The following CIAO2B variants were observed in gnomAD, a reference collection of about 807,000 sequenced individuals.
CIAO2B encodes cytosolic iron-sulfur assembly component 2B, also known as MSS19-interacting protein of 18 kDa.
CIAO2B carries 20 observed loss-of-function variants against 16.4 expected under a neutral mutation model. That is an observed-to-expected ratio of 1.22 (90% confidence interval 0.86 to 1.77). The LOEUF (loss-of-function observed/expected upper bound fraction) is 1.77, where lower values mean the gene tolerates loss of function less well. CIAO2B is among the 40% of genes most tolerant of loss of function. The pLI, the probability that CIAO2B is intolerant of heterozygous loss-of-function variation, is 0.00. For missense variants in CIAO2B, 215 were observed against 222.4 expected (o/e 0.97, Z 0.21); for synonymous variants, 106 against 90.4 (o/e 1.17, Z -0.98).
In CIAO2B at chr16:66,934,096, C is replaced by T; in HGVS notation, c.143-30G>A. The T allele has an allele frequency of 6.2e-7, 1 of 1,612,832 alleles. No individual in the cohort carries two copies. Among genetic ancestry groups the T allele is most frequent in the South Asian group, 1.1e-5 (1 of 90,874 alleles). On this transcript the variant is annotated intron_variant, in intron 1 of 4. Coordinates refer to ENST00000422424, the MANE Select transcript of CIAO2B (RefSeq NM_016062.4). The surrounding 1 kb of genome is among the most constrained non-coding windows in gnomAD (Gnocchi z 4.1). Reference sequence around the variant, plus strand: ...GAAGTGAAGGAAAAGGGACTCTGCGCCCTTGCCCACTTAGAACCCTCTGCC... The same window carrying T: ...GAAGTGAAGGAAAAGGGACTCTGCGTCCTTGCCCACTTAGAACCCTCTGCC...
rs1184894949 is a variant in CIAO2B at position 66,934,336 on chromosome 16, C to T, written c.29G>A (p.Gly10Asp). Reference protein sequence around the residue: MVGGGGVGGGLLENANPLIY... With the variant: MVGGGGVGGDLLENANPLIY... Reference sequence around the variant, plus strand: ...GAGGGGGTTGGCATTCTCCAGGAGGCCGCCGCCGACCCCGCCGCCGCCTAC... The same window carrying T: ...GAGGGGGTTGGCATTCTCCAGGAGGTCGCCGCCGACCCCGCCGCCGCCTAC... The change falls in exon 1 of 5, where the codon GGC becomes GAC. Residue 10 changes from glycine (G) to aspartate (D), a missense_variant. Transcript: ENST00000422424. The surrounding 1 kb of genome is among the most constrained non-coding windows in gnomAD (Gnocchi z 4.1). 2 of 1,581,806 alleles carry T rather than the reference C, an allele frequency of 1.3e-6. No individual in the cohort carries two copies. The highest frequency in any genetic ancestry group is 2.3e-5 in the South Asian group (2 of 88,190).
intron 2 of CIAO2B, 33 bp downstream of exon 2, chr16:66,933,954 T>G (rs1963124707): frequency 6.2e-7 from 1 of 1,611,852 alleles, no homozygotes; most frequent in East Asian, 2.2e-5. Flanking sequence ...TCTGACTCTC[T>G]GGAACAACTC....
At position 66,932,078 on chromosome 16, in the gene CIAO2B, A is replaced by G. The variant is rs768972350; in HGVS notation, c.*125T>C. 1.5e-6 allele frequency: 1 copy of G among 652,402 alleles called. No individual in the cohort carries two copies. The highest frequency in any genetic ancestry group is 2.6e-6 in the Non-Finnish European group (1 of 388,694). The allele number at this position is 652,402 out of a possible 1,614,324, so 40.4% of individuals were successfully genotyped here. On this transcript the variant is annotated 3_prime_UTR_variant, in exon 5 of 5. Transcript: ENST00000422424. Reference sequence around the variant, plus strand: ...CATGCTGGGAACTGAATATAAATTAACTTTATTACAAAAAGCAAAATGTTA... The same window carrying G: ...CATGCTGGGAACTGAATATAAATTAGCTTTATTACAAAAAGCAAAATGTTA...
At position 66,934,063 on chromosome 16, in the gene CIAO2B, A is replaced by G. The variant is rs766951433; in HGVS notation, c.146T>C (p.Leu49Pro). The change falls in exon 2 of 5, where the codon CTG becomes CCG. Residue 49 changes from leucine (L) to proline (P), a missense_variant. By Grantham distance (98) the Leu-to-Pro change is moderately conservative (BLOSUM62 -3). Transcript: ENST00000422424. This position sits in a 1 kb window ranked among gnomAD's most constrained non-coding sequence, Gnocchi z 4.1. ...DSIDAREIFDLIRSINDPEHP... is the reference protein window; with the variant it reads ...DSIDAREIFDPIRSINDPEHP... ...CTCCGGGTCATTGATGGAGCGAATCAGATGTGGGAAGTGAAGGAAAAGGGA... is the reference window on the plus strand; with the variant it reads ...CTCCGGGTCATTGATGGAGCGAATCGGATGTGGGAAGTGAAGGAAAAGGGA... The G allele has an allele frequency of 3.1e-6, 5 of 1,613,492 alleles. No individual in the cohort carries two copies. Among genetic ancestry groups the G allele is most frequent in the African/African-American group, 1.3e-5 (1 of 74,910 alleles).
At chr16:66,932,405 A>G in intron 4 of CIAO2B, 105 bp from the exon 5 acceptor site, 2 of 879,004 alleles carry the variant, frequency 2.3e-6, no homozygotes, top group South Asian at 2.9e-5. Flanking sequence ...TGTCCCCCGC[A>G]GCAACAGAGC....
intron 4 of CIAO2B, 81 bp from the exon 5 acceptor site, chr16:66,932,381 C>A (rs1433758969): frequency 4.6e-6 from 5 of 1,095,850 alleles, no homozygotes; most frequent in Non-Finnish European, 6.9e-6. Flanking sequence ...ACCTCTGAAC[C>A]TCTATATAGG....
Position 66,932,624 on chromosome 16 carries a change from C to T in CIAO2B, c.394+156G>A, listed in dbSNP as rs144267011. On this transcript the variant is annotated intron_variant, in intron 4 of 4. Transcript: ENST00000422424. ...AAGGAGAGTCTTCTCAGGCCAGCTT[C>T]GGTCTAGGCTATAACCCATACTGAG... 2,930 of 881,824 alleles carry T rather than the reference C, an allele frequency of 3.3e-3. 9 individuals carry two copies. The highest frequency in any genetic ancestry group is 4.4e-3 in the Non-Finnish European group (2,384 of 537,036). The allele number at this position is 881,824 out of a possible 1,614,324, so 54.6% of individuals were successfully genotyped here. A position where few individuals can be genotyped will look rare whatever the true frequency, so the allele number is the denominator to read the frequency against.
At chr16:66,932,403 G>A (rs1205000913) in intron 4 of CIAO2B, 103 bp from the exon 5 acceptor site, 5 of 901,490 alleles carry the variant, frequency 5.5e-6, no homozygotes, top group South Asian at 2.8e-5. Context: ...TATGTCCCCC[G>A]CAGCAACAGA....
At chr16:66,933,576 A>G (rs1357649341) in intron 3 of CIAO2B, 38 bp downstream of exon 3, 6 of 1,602,028 alleles carry the variant, frequency 3.7e-6, no homozygotes, top group South Asian at 2.2e-5. Flanking sequence ...TAGACCCTCA[A>G]TGCCTGGTCT....
Position 66,934,110 on chromosome 16 carries a change from G to C in CIAO2B, c.143-44C>G, listed in dbSNP as rs1406776989. 8.7e-6 allele frequency: 14 copies of C among 1,612,182 alleles called. No individual in the cohort carries two copies. The highest frequency in any genetic ancestry group is 1.7e-5 in the Admixed American group (1 of 59,742). On this transcript the variant is annotated intron_variant, in intron 1 of 4. Coordinates refer to ENST00000422424, the MANE Select transcript of CIAO2B (RefSeq NM_016062.4). This position sits in a 1 kb window ranked among gnomAD's most constrained non-coding sequence, Gnocchi z 4.1. Reference sequence around the variant, plus strand: ...GGGACTCTGCGCCCTTGCCCACTTAGAACCCTCTGCCAGGAACGCCCTGCT... The same window carrying C: ...GGGACTCTGCGCCCTTGCCCACTTACAACCCTCTGCCAGGAACGCCCTGCT...
chr16:66,934,221 A>G lies in CIAO2B; in HGVS notation c.142+2T>C. ...CCGCCCGCGCCCAGCAGCGGCGGAT[A>G]TCGAAGATCTCGCGTGCGTCGATGC... On this transcript the variant is annotated splice_donor_variant, in intron 1 of 4. Coordinates refer to ENST00000422424, the MANE Select transcript of CIAO2B (RefSeq NM_016062.4). LOFTEE classifies it high-confidence loss of function. The surrounding 1 kb of genome is among the most constrained non-coding windows in gnomAD (Gnocchi z 4.1). 1 of 1,608,820 alleles carries G rather than the reference A, an allele frequency of 6.2e-7. No individual in the cohort carries two copies. Among genetic ancestry groups the G allele is most frequent in the Non-Finnish European group, 8.5e-7 (1 of 1,178,164 alleles).
chr16:66,932,159 G>A lies in CIAO2B; in HGVS notation c.*44C>T. 6 of 1,444,210 alleles carry A rather than the reference G, an allele frequency of 4.2e-6. No individual in the cohort carries two copies. The highest frequency in any genetic ancestry group is 4.8e-6 in the Non-Finnish European group (5 of 1,042,176). The allele number at this position is 1,444,210 out of a possible 1,614,324, so 89.5% of individuals were successfully genotyped here. On this transcript the variant is annotated 3_prime_UTR_variant, in exon 5 of 5. Coordinates refer to ENST00000422424, the MANE Select transcript of CIAO2B (RefSeq NM_016062.4). ...ACGGTAACAGCCCTGGCAGGAGCTG[G>A]GACCAGGATACCAGTATGCAGGCTG...
intron 2 of CIAO2B, 39 bp from the exon 3 acceptor site, chr16:66,933,778 C>A: frequency 6.5e-7 from 1 of 1,550,318 alleles, no homozygotes; most frequent in Non-Finnish European, 8.7e-7. Context: ...CAACCACCCT[C>A]AGCCCAAGGT....
At chr16:66,933,775 C>T in intron 2 of CIAO2B, 36 bp from the exon 3 acceptor site, 3 of 1,550,322 alleles carry the variant, frequency 1.9e-6, no homozygotes, top group Non-Finnish European at 2.6e-6. Context: ...AGTCAACCAC[C>T]CTCAGCCCAA....
chr16:66,934,322 C>T lies in CIAO2B; in HGVS notation c.43G>A (p.Ala15Thr). The T allele has an allele frequency of 6.2e-7, 1 of 1,600,030 alleles. No individual in the cohort carries two copies. The highest frequency in any genetic ancestry group is 1.1e-5 in the South Asian group (1 of 90,072). The change falls in exon 1 of 5, where the codon GCC becomes ACC. Residue 15 changes from alanine to threonine, a missense_variant. Coordinates refer to ENST00000422424, the MANE Select transcript of CIAO2B (RefSeq NM_016062.4). The surrounding 1 kb of genome is among the most constrained non-coding windows in gnomAD (Gnocchi z 4.1). ...GGVGGGLLEN[A>T]NPLIYQRSGE... is the part of the protein sequence containing the mutation. ...GAGCGCTGGTAGATGAGGGGGTTGG[C>T]ATTCTCCAGGAGGCCGCCGCCGACC... is the stretch of plus-strand genomic sequence containing the variant.
intron 2 of CIAO2B, 27 bp from the exon 3 acceptor site, chr16:66,933,766 G>C: frequency 6.4e-7 from 1 of 1,551,784 alleles, no homozygotes; most frequent in Non-Finnish European, 8.7e-7. Flanking sequence ...GATGTCAAGA[G>C]TCAACCACCC....
At chr16:66,932,333 G>A (rs753572420) in intron 4 of CIAO2B, 33 bp from the exon 5 acceptor site, 13 of 1,572,584 alleles carry the variant, frequency 8.3e-6, no homozygotes, top group Non-Finnish European at 9.6e-6. Flanking sequence ...GGAAGGCAGA[G>A]TCAAAGCTAG....
intron 3 of CIAO2B, 74 bp downstream of exon 3, chr16:66,933,540 G>C: frequency 1.3e-6 from 2 of 1,548,012 alleles, no homozygotes; most frequent in Non-Finnish European, 1.7e-6. Flanking sequence ...CCATGTTCAT[G>C]CTCTCCCAGT....
chr16:66,933,566 T>A, intron 3 of CIAO2B, 48 bp downstream of exon 3: 1 of 1,596,348 alleles, frequency 6.3e-7, no homozygotes, highest in Non-Finnish European at 8.5e-7. Flanking sequence ...TCCTCAGCAG[T>A]AGACCCTCAA....
Sources: gnomAD v4.1 joint callset for allele counts on GRCh38, gnomAD v4.1.1 for gene constraint, Gnocchi (gnomAD v3.1) non-coding constraint, MANE v1.5 for transcripts, NCBI Gene and HGNC (gene_info 2026-07-23, HGNC 2026-07-21) for gene names.